CSMD3: variants seen among roughly 807,000 people sequenced by gnomAD.
CSMD3 encodes the protein CUB and Sushi multiple domains 3.
In CSMD3, 177 loss-of-function variants were observed where a neutral mutation model predicts 435.2. The ratio of observed to expected loss-of-function variants is 0.41; its 90% CI spans 0.36 to 0.46. The LOEUF is 0.46. CSMD3 is among the 20% of genes least tolerant of loss of function. The pLI is 0.34. For synonymous variants in CSMD3, 1,656 were observed against 1,520.5 expected, an observed-to-expected ratio of 1.09 and a Z score of -2.07; for missense variants, 4,265 against 4,504.6, an observed-to-expected ratio of 0.95 and a Z score of 1.52.
intron 4 of CSMD3, among the ~76,000 whole-genome samples, chr8:113,159,476 T>C (rs2091997020): frequency 6.6e-6 from 1 of 152,000 alleles, no homozygotes; most frequent in South Asian, 2.1e-4. Flanking sequence ...ATTACAACCC[T>C]GAGTTCTCCT....
rs1828168522 is a variant in CSMD3, at chr8:112,556,878, A to G, written c.4119T>C (p.Ala1373=). The change falls in exon 25 of 71, where the codon GCT becomes GCC. Residue 1373 remains alanine, a synonymous_variant. Coordinates refer to ENST00000297405, the MANE Select transcript of CSMD3 (RefSeq NM_198123.2). ...GYKISDQGHF[A]GSTIIYGCNP... ...TGCATCCATAAATGATGGTGCTACCAGCAAAGTGGCCTTGGTCACTGATCT... is the reference window on the plus strand; with the variant it reads ...TGCATCCATAAATGATGGTGCTACCGGCAAAGTGGCCTTGGTCACTGATCT... The G allele has an allele frequency of 3.1e-6, 5 of 1,612,156 alleles. No individual in the cohort carries two copies. Among genetic ancestry groups the G allele is most frequent in the African/African-American group, 1.3e-5 (1 of 74,936 alleles).
At chr8:112,330,105 C>T (rs900744013) in intron 45 of CSMD3, among the ~76,000 whole-genome samples, 2 of 152,060 alleles carry the variant, frequency 1.3e-5, no homozygotes, top group African/African-American at 2.4e-5. Context: ...TAAAGGCAAT[C>T]GTGACTTATG....
At chr8:112,822,591 T>C (rs930413149) in intron 12 of CSMD3, among the ~76,000 whole-genome samples, 4 of 152,160 alleles carry the variant, frequency 2.6e-5, no homozygotes, top group African/African-American at 4.8e-5. Context: ...AATCATGTCA[T>C]CTGCAGAGAC....
intron 13 of CSMD3, among the ~76,000 whole-genome samples, chr8:112,740,132 A>T (rs1332073607): frequency 6.6e-6 from 1 of 151,838 alleles, no homozygotes; most frequent in East Asian, 1.9e-4. Flanking sequence ...AAAAAATTCT[A>T]GTCTCAGAGC....
intron 32 of CSMD3, among the ~76,000 whole-genome samples, chr8:112,431,465 G>T (rs770347118): frequency 2.6e-5 from 4 of 152,134 alleles, no homozygotes; most frequent in Non-Finnish European, 4.4e-5. Flanking sequence ...AAAACATACA[G>T]TACACTAAAA....
At chr8:112,305,822 G>A (rs1450853819) in intron 51 of CSMD3, among the ~76,000 whole-genome samples, 185 bp downstream of exon 51, 1 of 152,064 alleles carries the variant, frequency 6.6e-6, no homozygotes, top group African/African-American at 2.4e-5. Flanking sequence ...CAAAAATGAT[G>A]GAAAAGACCT....
chr8:112,582,748 T>C (rs1244117786), intron 23 of CSMD3, among the ~76,000 whole-genome samples: 1 of 152,024 alleles, frequency 6.6e-6, no homozygotes, highest in Non-Finnish European at 1.5e-5. Flanking sequence ...CTCAAGGTGA[T>C]GGTATTAGGA....
At chr8:112,435,447 C>G (rs975587284) in intron 32 of CSMD3, among the ~76,000 whole-genome samples, 3 of 151,934 alleles carry the variant, frequency 2.0e-5, no homozygotes, top group African/African-American at 7.3e-5. Context: ...GTACTAGAAG[C>G]TAGTCTAAAT....
intron 5 of CSMD3, among the ~76,000 whole-genome samples, chr8:113,087,651 C>G (rs1363834129): frequency 6.6e-6 from 1 of 151,728 alleles, no homozygotes; most frequent in African/African-American, 2.4e-5. Flanking sequence ...AACTGGCTAG[C>G]CATATGTAGA....
chr8:112,289,562 T>C (rs1018764497), intron 56 of CSMD3, 24 bp from the exon 57 acceptor site: 4 of 1,504,084 alleles, frequency 2.7e-6, no homozygotes, highest in African/African-American at 1.4e-5. Flanking sequence ...TTATTAAATA[T>C]AAAATTTTTT....
chr8:112,554,188 A>G (rs564616976), intron 25 of CSMD3, among the ~76,000 whole-genome samples: 2 of 152,074 alleles, frequency 1.3e-5, no homozygotes, highest in South Asian at 4.1e-4. Context: ...GATAAGGAAG[A>G]CAGAGAGAGA....
At chr8:112,825,355 G>A (rs1038616928) in intron 12 of CSMD3, among the ~76,000 whole-genome samples, 6 of 152,076 alleles carry the variant, frequency 3.9e-5, no homozygotes, top group Non-Finnish European at 7.4e-5. Flanking sequence ...TGCTGGAGAC[G>A]CACTGCAATC....
chr8:113,385,517 C>T (rs1476553450), intron 1 of CSMD3, among the ~76,000 whole-genome samples: 3 of 152,042 alleles, frequency 2.0e-5, no homozygotes, highest in African/African-American at 7.2e-5. Flanking sequence ...GAATACATTA[C>T]CAAGTAGAGG....
chr8:112,923,359 G>A (rs570475551), intron 9 of CSMD3, among the ~76,000 whole-genome samples: 30 of 152,204 alleles, frequency 2.0e-4, no homozygotes, highest in South Asian at 1.2e-3. Flanking sequence ...TAAAATTGCC[G>A]ATGTGATTTG....
intron 13 of CSMD3, among the ~76,000 whole-genome samples, chr8:112,783,823 C>CA (rs933406114): frequency 3.9e-3 from 524 of 134,714 alleles, no homozygotes; most frequent in African/African-American, 9.0e-3. Flanking sequence ...GATTTCAAGA[C>CA]AAAAAAAAAA....
intron 1 of CSMD3, among the ~76,000 whole-genome samples, chr8:113,418,345 C>T (rs960999903): frequency 6.6e-6 from 1 of 152,048 alleles, no homozygotes; most frequent in Admixed American, 6.6e-5. Context: ...AAACTAGGAA[C>T]AGTTTAGTGC....
At chr8:113,317,234 A>T (rs1012817547) in intron 1 of CSMD3, among the ~76,000 whole-genome samples, 2 of 152,224 alleles carry the variant, frequency 1.3e-5, no homozygotes, top group African/African-American at 2.4e-5. Context: ...TTGCAGAGCA[A>T]TTACTTTGAA....
intron 32 of CSMD3, among the ~76,000 whole-genome samples, chr8:112,411,158 AATT>A (rs1811299089): frequency 4.1e-5 from 6 of 148,114 alleles, no homozygotes; most frequent in Admixed American, 3.4e-4. Context: ...GCCTCTTCTC[AATT>A]ATTGTTTGTA....
At chr8:113,001,940 T>G (rs948149815) in intron 6 of CSMD3, among the ~76,000 whole-genome samples, 1 of 152,052 alleles carries the variant, frequency 6.6e-6, no homozygotes, top group Non-Finnish European at 1.5e-5. Flanking sequence ...GAATGACTAC[T>G]CTGGGCAGGT....
Sources: allele counts gnomAD v4.1 joint callset (sites outside exome capture counted in the v4.1 genomes callset), GRCh38; gene constraint gnomAD v4.1.1; transcripts MANE v1.5; gene names NCBI Gene and HGNC (gene_info 2026-07-23, HGNC 2026-07-21).